MTCP1: variants seen among roughly 807,000 people sequenced by gnomAD.
MTCP1 encodes protein p13 MTCP-1.
MTCP1 carries 2 observed loss-of-function variants against 10.6 expected under a neutral mutation model. The observed-to-expected ratio is 0.19, with a 90% CI of 0.08 to 0.59. The LOEUF (loss-of-function observed/expected upper bound fraction) is 0.59. Among genes scored for constraint, MTCP1 ranks in the 20% least tolerant of loss-of-function variants. The probability of loss-of-function intolerance (pLI) is 0.90; values close to 1 mark genes in which losing one functional copy is unlikely to be tolerated. For synonymous variants in MTCP1, 29 were observed against 34.4 expected (o/e 0.84, Z 0.55); for missense variants, 33 against 91.5 (o/e 0.36, Z 2.61).
At position 155,064,760 on chromosome X, in the gene MTCP1, G is replaced by C. The variant is rs1225399322; in HGVS notation, c.*644C>G. On this transcript the variant is annotated 3_prime_UTR_variant, in exon 5 of 5. Transcript: ENST00000369476. ...AATGAATTCAAGAGCCCACAATTTT[G>C]ATCAGCAACTTCCAGTAATTTGAAG... The C allele has an allele frequency of 8.9e-6, 1 of 111,891 alleles. No individual in the cohort carries two copies. The highest frequency in any genetic ancestry group is 1.9e-5 in the Non-Finnish European group (1 of 53,225). The allele number at this position is 111,891 out of a possible 1,213,427, so 9.2% of individuals were successfully genotyped here. A position where few individuals can be genotyped will look rare whatever the true frequency, so the allele number is the denominator to read the frequency against.
chrX:155,068,658 G>C (rs1188732569), intron 1 of MTCP1, among the ~76,000 whole-genome samples: 1 of 112,350 alleles, frequency 8.9e-6, no homozygotes, highest in Non-Finnish European at 1.9e-5. Flanking sequence ...ATTTTCCTTG[G>C]TCAAATAAGT....
intron 1 of MTCP1, among the ~76,000 whole-genome samples, chrX:155,070,162 G>A (rs1557292337): frequency 3.6e-5 from 4 of 111,900 alleles, no homozygotes; most frequent in African/African-American, 1.3e-4. Flanking sequence ...TATGTGTGGG[G>A]AGACTTGGGT....
rs1264765780 is a variant in MTCP1 at position 155,065,323 on chromosome X, T to C, written c.*81A>G. On this transcript the variant is annotated 3_prime_UTR_variant, in exon 5 of 5. Transcript: ENST00000369476. ...CCCTCCCCCCAGGCCCAAGGGTGGGTGCACTGCAGTAGTGGATGAAGTGAT... is the reference window on the plus strand; with the variant it reads ...CCCTCCCCCCAGGCCCAAGGGTGGGCGCACTGCAGTAGTGGATGAAGTGAT... 4.1e-6 allele frequency: 2 copies of C among 486,381 alleles called. No individual in the cohort carries two copies. The highest frequency in any genetic ancestry group is 2.4e-5 in the African/African-American group (1 of 40,916). The allele number at this position is 486,381 out of a possible 1,213,427, so 40.1% of individuals were successfully genotyped here. A position where few individuals can be genotyped will look rare whatever the true frequency, so the allele number is the denominator to read the frequency against.
Position 155,065,478 on chromosome X carries a change from A to G in MTCP1, c.*4+8T>C. On this transcript the variant is annotated splice_region_variant and intron_variant, in intron 4 of 4. Coordinates refer to ENST00000369476, the MANE Select transcript of MTCP1 (RefSeq NM_001018025.4). Reference sequence around the variant, plus strand: ...GGGGGAGGACAGAGGAGAAATAGAAATACATACCAGGTTAGTCATCAGGCA... The same window carrying G: ...GGGGGAGGACAGAGGAGAAATAGAAGTACATACCAGGTTAGTCATCAGGCA... The G allele has an allele frequency of 9.1e-6, 11 of 1,204,816 alleles. No homozygotes were observed. The highest frequency in any genetic ancestry group is 1.2e-5 in the Non-Finnish European group (11 of 888,895).
At position 155,066,071 on chromosome X, in the gene MTCP1, G is replaced by A. The variant is rs2073947223; in HGVS notation, c.-47-14C>T. The A allele has an allele frequency of 2.1e-6, 2 of 951,878 alleles. No homozygotes were observed. Among genetic ancestry groups the A allele is most frequent in the Non-Finnish European group, 3.0e-6 (2 of 668,485 alleles). The allele number at this position is 951,878 out of a possible 1,213,427, so 78.4% of individuals were successfully genotyped here. A position where few individuals can be genotyped will look rare whatever the true frequency, so the allele number is the denominator to read the frequency against. On this transcript the variant is annotated splice_polypyrimidine_tract_variant and intron_variant, in intron 1 of 4. Transcript: ENST00000369476. ...CTCCACCTAAGCCTGCAGCACCCGC[G>A]CACAGGACACAGGTGTGACTTTTTG...
chrX:155,070,339 ATT>A (rs1377380485), intron 1 of MTCP1, among the ~76,000 whole-genome samples: 3 of 112,120 alleles, frequency 2.7e-5, no homozygotes, highest in African/African-American at 9.7e-5. Flanking sequence ...CACGGCATAT[ATT>A]GTGCTTTGAT....
intron 1 of MTCP1, among the ~76,000 whole-genome samples, chrX:155,069,508 C>A (rs1441229462): frequency 2.7e-5 from 3 of 112,161 alleles, no homozygotes; most frequent in African/African-American, 9.7e-5. Flanking sequence ...TTTTCACAAT[C>A]TTCATAGGGC....
chrX:155,065,329 G>A lies in MTCP1; in HGVS notation c.*75C>T. 1 of 512,008 alleles carries A rather than the reference G, an allele frequency of 2.0e-6. No homozygotes were observed. The highest frequency in any genetic ancestry group is 3.6e-5 in the East Asian group (1 of 27,607). 42.2% of individuals were successfully genotyped at this position (512,008 alleles called of 1,213,427 possible). On this transcript the variant is annotated 3_prime_UTR_variant, in exon 5 of 5. Coordinates refer to ENST00000369476, the MANE Select transcript of MTCP1 (RefSeq NM_001018025.4). The stretch of plus-strand genomic sequence containing the variant: ...CCCCAGGCCCAAGGGTGGGTGCACT[G>A]CAGTAGTGGATGAAGTGATTGCCAA...
intron 1 of MTCP1, among the ~76,000 whole-genome samples, chrX:155,067,852 T>A (rs1162283127): frequency 2.7e-5 from 3 of 111,799 alleles, no homozygotes; most frequent in Non-Finnish European, 3.8e-5. Flanking sequence ...GCCACAGTGG[T>A]TGTCATGATT....
Position 155,064,107 on chromosome X carries a change from TTC to T in MTCP1, c.*1295_*1296del. On this transcript the variant is annotated 3_prime_UTR_variant, in exon 5 of 5. Transcript: ENST00000369476. Reference sequence around the variant, plus strand: ...TAAAGCCCCTCTACGTGGAATTTTCTTCTGAGACAAGCAGTATATGCCCTTAC... The same window carrying T: ...TAAAGCCCCTCTACGTGGAATTTTCTTGAGACAAGCAGTATATGCCCTTAC... 2.4e-6 allele frequency: 2 copies of T among 829,562 alleles called. No homozygotes were observed. Among genetic ancestry groups the T allele is most frequent in the Non-Finnish European group, 3.4e-6 (2 of 582,228 alleles). The allele number at this position is 829,562 out of a possible 1,213,427, so 68.4% of individuals were successfully genotyped here.
At position 155,066,069 on chromosome X, in the gene MTCP1, G is replaced by A. The variant is rs2073947159; in HGVS notation, c.-47-12C>T. ...TTCTCCACCTAAGCCTGCAGCACCC[G>A]CGCACAGGACACAGGTGTGACTTTT... On this transcript the variant is annotated splice_polypyrimidine_tract_variant and intron_variant, in intron 1 of 4. Transcript: ENST00000369476. The A allele has an allele frequency of 2.1e-6, 2 of 966,724 alleles. No individual in the cohort carries two copies. The highest frequency in any genetic ancestry group is 2.9e-6 in the Non-Finnish European group (2 of 680,037). 79.7% of individuals were successfully genotyped at this position (966,724 alleles called of 1,213,427 possible).
rs2073943364 is a variant in MTCP1 at position 155,065,080 on chromosome X, G to A, written c.*324C>T. ...GGGCATCTGTTCTGTAGAAGGTGCT[G>A]ACTTTTGTGGGATTCATCAGATCCC... On this transcript the variant is annotated 3_prime_UTR_variant, in exon 5 of 5. Coordinates refer to ENST00000369476, the MANE Select transcript of MTCP1 (RefSeq NM_001018025.4). 5.8e-6 allele frequency: 1 copy of A among 171,827 alleles called. No individual in the cohort carries two copies. Among genetic ancestry groups the A allele is most frequent in the Admixed American group, 7.2e-5 (1 of 13,930 alleles). The allele number at this position is 171,827 out of a possible 1,213,427, so 14.2% of individuals were successfully genotyped here. A position where few individuals can be genotyped will look rare whatever the true frequency, so the allele number is the denominator to read the frequency against.
intron 1 of MTCP1, among the ~76,000 whole-genome samples, chrX:155,069,457 T>G (rs1557292249): frequency 8.9e-6 from 1 of 112,314 alleles, no homozygotes; most frequent in East Asian, 2.8e-4. Context: ...ATAGTCTTTA[T>G]TTAGCATTTC....
chrX:155,067,452 T>C (rs2073953108), intron 1 of MTCP1, among the ~76,000 whole-genome samples: 1 of 111,769 alleles, frequency 8.9e-6, no homozygotes, highest in Non-Finnish European at 1.9e-5. Flanking sequence ...CAACTACCAC[T>C]GCAGTTGAGA....
chrX:155,067,543 G>A (rs2073953426), intron 1 of MTCP1, among the ~76,000 whole-genome samples: 2 of 111,583 alleles, frequency 1.8e-5, no homozygotes, highest in Non-Finnish European at 3.8e-5. Context: ...TGCCTCCCTG[G>A]GCCTCTCTGC....
intron 3 of MTCP1, 37 bp downstream of exon 3, chrX:155,065,582 C>A: frequency 8.3e-7 from 1 of 1,208,032 alleles, no homozygotes; most frequent in Non-Finnish European, 1.1e-6. Context: ...TTACGAGAGT[C>A]CCAGTACAAT....
Position 155,064,202 on chromosome X carries a change from T to G in MTCP1, c.*1202A>C. On this transcript the variant is annotated 3_prime_UTR_variant, in exon 5 of 5. Transcript: ENST00000369476. ...ATAGGATGAATCAACTGTATTTTTA[T>G]AATATCCATTTCATTAGGCTTGGAA... 1 of 342,976 alleles carries G rather than the reference T, an allele frequency of 2.9e-6. No homozygotes were observed. Among genetic ancestry groups the G allele is most frequent in the South Asian group, 9.0e-5 (1 of 11,068 alleles). 28.3% of individuals were successfully genotyped at this position (342,976 alleles called of 1,213,427 possible).
At position 155,066,067 on chromosome X, in the gene MTCP1, C is replaced by A; in HGVS notation, c.-47-10G>T. The A allele has an allele frequency of 1.0e-6, 1 of 976,633 alleles. No individual in the cohort carries two copies. Among genetic ancestry groups the A allele is most frequent in the Non-Finnish European group, 1.5e-6 (1 of 688,092 alleles). The allele number at this position is 976,633 out of a possible 1,213,427, so 80.5% of individuals were successfully genotyped here. A position where few individuals can be genotyped will look rare whatever the true frequency, so the allele number is the denominator to read the frequency against. On this transcript the variant is annotated splice_polypyrimidine_tract_variant and intron_variant, in intron 1 of 4. Transcript: ENST00000369476. Reference sequence around the variant, plus strand: ...TTTTCTCCACCTAAGCCTGCAGCACCCGCGCACAGGACACAGGTGTGACTT... The same window carrying A: ...TTTTCTCCACCTAAGCCTGCAGCACACGCGCACAGGACACAGGTGTGACTT...
At chrX:155,067,880 TAG>T (rs1195682745) in intron 1 of MTCP1, among the ~76,000 whole-genome samples, 2 of 112,095 alleles carry the variant, frequency 1.8e-5, no homozygotes, top group Non-Finnish European at 3.8e-5. Flanking sequence ...TATACGTGGG[TAG>T]AGATTGATTC....
Sources: allele counts gnomAD v4.1 joint callset (sites outside exome capture counted in the v4.1 genomes callset), GRCh38; gene constraint gnomAD v4.1.1; transcripts MANE v1.5; gene names NCBI Gene and HGNC (gene_info 2026-07-23, HGNC 2026-07-21).